The following SLC22A4 variants were observed in gnomAD, a reference collection of about 807,000 sequenced individuals.
SLC22A4 encodes the protein ET transporter.
Under a neutral mutation model 56.6 loss-of-function variants are expected in SLC22A4, and 39 were observed. That is an observed-to-expected ratio of 0.69 (90% CI 0.53 to 0.90). The LOEUF is 0.90. SLC22A4 is among the 40% of genes least tolerant of loss of function. SLC22A4 has a pLI of 0.00. For synonymous variants in SLC22A4, 241 were observed against 281.4 expected (o/e 0.86, Z 1.44); for missense variants, 594 against 696.5 (o/e 0.85, Z 1.66).
chr5:132,323,351 C>T (rs973870013), intron 4 of SLC22A4, among the ~76,000 whole-genome samples: 2 of 152,184 alleles, frequency 1.3e-5, no homozygotes, highest in African/African-American at 2.4e-5. Flanking sequence ...CTTTATCTTA[C>T]TGCAGCTGTT....
chr5:132,306,690 C>T (rs1292568992), intron 1 of SLC22A4, among the ~76,000 whole-genome samples: 1 of 151,734 alleles, frequency 6.6e-6, no homozygotes, highest in African/African-American at 2.4e-5. Context: ...AGGTGACCCA[C>T]CCGCCTCGGC....
At chr5:132,312,393 A>G in intron 2 of SLC22A4, 129 bp downstream of exon 2, 2 of 721,310 alleles carry the variant, frequency 2.8e-6, no homozygotes. Context: ...TGATTCAGTG[A>G]TAGGAGGAGC....
At chr5:132,306,357 T>C (rs2126704701) in intron 1 of SLC22A4, among the ~76,000 whole-genome samples, 1 of 121,002 alleles carries the variant, frequency 8.3e-6, no homozygotes, top group Non-Finnish European at 1.7e-5. Context: ...AACAGATCAT[T>C]GAAAACGTGG....
At position 132,305,695 on chromosome 5, in the gene SLC22A4, AC is replaced by A. The variant is rs549970666; in HGVS notation, c.394-6465del. Among the ~76,000 whole-genome samples, 212 of 152,356 alleles carry A rather than the reference AC, an allele frequency of 1.4e-3. 1 individual carries two copies. The highest frequency in any genetic ancestry group is 2.4e-3 in the Non-Finnish European group (162 of 68,036). The stretch of plus-strand genomic sequence containing the variant: ...CTGTCAACCAAGAATCATGCATCCA[AC>A]AAAACTGTCTTTCAAAACTGAGATA... On this transcript the variant is annotated intron_variant, in intron 1 of 9. Coordinates refer to ENST00000200652, the MANE Select transcript of SLC22A4 (RefSeq NM_003059.3).
At position 132,328,903 on chromosome 5, in the gene SLC22A4, G is replaced by GTATATATA. The variant is rs753290785; in HGVS notation, c.951+1521_951+1528dup. ...AATGTGTATATATATGTGTGTATGT[G>GTATATATA]TATATATATATATATATATATATAT... On this transcript the variant is annotated intron_variant, in intron 5 of 9. Coordinates refer to ENST00000200652, the MANE Select transcript of SLC22A4 (RefSeq NM_003059.3). Among the ~76,000 whole-genome samples, 225 of 96,346 alleles carry GTATATATA rather than the reference G, an allele frequency of 2.3e-3. 2 individuals are homozygous for GTATATATA. Among genetic ancestry groups the GTATATATA allele is most frequent in the East Asian group, 7.1e-3 (27 of 3,794 alleles). 63.2% of individuals were successfully genotyped at this position (96,346 alleles called of 152,430 possible).
Position 132,340,063 on chromosome 5 carries a change from GTTTTTTTTTTTTTTTT to G in SLC22A4, c.1445-491_1445-476del, listed in dbSNP as rs4646203. On this transcript the variant is annotated intron_variant, in intron 8 of 9. Transcript: ENST00000200652. The stretch of plus-strand genomic sequence containing the variant: ...TCTGAAGTGAACATAATACTTAGTT[GTTTTTTTTTTTTTTTT>G]TTTTTTTTTTGAGTCTCATAGCCCT... Among the ~76,000 whole-genome samples the G allele has an allele frequency of 1.7e-4, 16 of 94,874 alleles. No individual in the cohort carries two copies. In the South Asian group the frequency reaches 5.5e-3, roughly 32 times the overall value. The allele number at this position is 94,874 out of a possible 152,430, so 62.2% of individuals were successfully genotyped here. A position where few individuals can be genotyped will look rare whatever the true frequency, so the allele number is the denominator to read the frequency against.
chr5:132,323,210 G>A (rs990962095), intron 4 of SLC22A4, among the ~76,000 whole-genome samples: 2 of 152,096 alleles, frequency 1.3e-5, no homozygotes, highest in Non-Finnish European at 2.9e-5. Flanking sequence ...TGGTTTCACC[G>A]AACTGCATAA....
chr5:132,337,269 C>CTAATTCTTTTTTTTTTTTTTT (rs777986858), intron 8 of SLC22A4, among the ~76,000 whole-genome samples: 1 of 48,244 alleles, frequency 2.1e-5, no homozygotes, highest in Non-Finnish European at 4.0e-5. Context: ...TAAAGATTAC[C>CTAATTCTTTTTTTTTTTTTTT]TTTTTTTTTT....
chr5:132,340,063 GTTTTTTTTT>G (rs4646203), intron 8 of SLC22A4, among the ~76,000 whole-genome samples: 1 of 94,864 alleles, frequency 1.1e-5, no homozygotes, highest in Admixed American at 1.2e-4. Flanking sequence ...ATACTTAGTT[GTTTTTTTTT>G]TTTTTTTTTT....
At chr5:132,338,751 G>T (rs983533953) in intron 8 of SLC22A4, among the ~76,000 whole-genome samples, 2 of 152,210 alleles carry the variant, frequency 1.3e-5, no homozygotes, top group Non-Finnish European at 1.5e-5. Context: ...AGAGTTTAAG[G>T]TTATCTCTCT....
At chr5:132,335,743 G>T in intron 7 of SLC22A4, 75 bp from the exon 8 acceptor site, 1 of 1,250,822 alleles carries the variant, frequency 8.0e-7, no homozygotes, top group African/African-American at 1.5e-5. Context: ...GAAGCAAAAA[G>T]GACAATAAAA....
intron 3 of SLC22A4, among the ~76,000 whole-genome samples, chr5:132,319,468 A>G (rs1460773162): frequency 2.6e-5 from 4 of 152,216 alleles, no homozygotes; most frequent in Admixed American, 6.5e-5. Context: ...ACCAGTATCC[A>G]TAGAGCAAAT....
intron 1 of SLC22A4, among the ~76,000 whole-genome samples, chr5:132,308,700 G>A (rs1750105411): frequency 6.6e-6 from 1 of 152,178 alleles, no homozygotes; most frequent in Non-Finnish European, 1.5e-5. Context: ...TGAAGGCCAT[G>A]CGGCCCAGCT....
At chr5:132,328,836 T>TACAC (rs1204553744) in intron 5 of SLC22A4, among the ~76,000 whole-genome samples, 6 of 138,994 alleles carry the variant, frequency 4.3e-5, no homozygotes, top group African/African-American at 1.3e-4. Context: ...TATATATATA[T>TACAC]ATACACACAC....
intron 3 of SLC22A4, among the ~76,000 whole-genome samples, chr5:132,319,408 G>A (rs1049229386): frequency 6.6e-6 from 1 of 151,964 alleles, no homozygotes; most frequent in Non-Finnish European, 1.5e-5. Context: ...TTGAAGAACT[G>A]CTTTATAAGG....
chr5:132,299,740 CA>C (rs1352192913), intron 1 of SLC22A4, among the ~76,000 whole-genome samples: 1 of 152,218 alleles, frequency 6.6e-6, no homozygotes, highest in Non-Finnish European at 1.5e-5. Context: ...AGGCGTGAGC[CA>C]CCGCGCCTGG....
chr5:132,315,043 C>T (rs1054869229), intron 3 of SLC22A4, among the ~76,000 whole-genome samples: 22 of 152,088 alleles, frequency 1.4e-4, no homozygotes, highest in African/African-American at 5.3e-4. Flanking sequence ...GAGCTTCAGG[C>T]CAGTGTTGTT....
At chr5:132,298,819 C>G (rs940610465) in intron 1 of SLC22A4, among the ~76,000 whole-genome samples, 1 of 152,214 alleles carries the variant, frequency 6.6e-6, no homozygotes, top group Non-Finnish European at 1.5e-5. Context: ...TCTTTGCCTT[C>G]TCCACTGGCT....
At chr5:132,339,630 G>A (rs553427392) in intron 8 of SLC22A4, among the ~76,000 whole-genome samples, 3 of 152,176 alleles carry the variant, frequency 2.0e-5, no homozygotes, top group Non-Finnish European at 4.4e-5. Flanking sequence ...AGATTATACA[G>A]AGTGGTGTTA....
Sources: gnomAD v4.1 joint callset for allele counts (sites outside exome capture counted in the v4.1 genomes callset) on GRCh38, gnomAD v4.1.1 for gene constraint, MANE v1.5 for transcripts, NCBI Gene and HGNC (gene_info 2026-07-23, HGNC 2026-07-21) for gene names.